The following CDKAL1 variants were observed in gnomAD, a reference collection of about 807,000 sequenced individuals.
CDKAL1 encodes the protein threonylcarbamoyladenosine tRNA methylthiotransferase.
CDKAL1 carries 32 observed loss-of-function variants against 68.2 expected under a neutral mutation model. The observed-to-expected ratio is 0.47, with a 90% CI of 0.35 to 0.63. CDKAL1 has a LOEUF of 0.63. Ranked by LOEUF, CDKAL1 falls within the 30% of genes least tolerant of loss-of-function variation. The pLI is 0.00. For synonymous variants in CDKAL1, 234 were observed against 244.3 expected, an observed-to-expected ratio of 0.96 and a Z score of 0.39; for missense variants, 606 against 696.7, an observed-to-expected ratio of 0.87 and a Z score of 1.47.
chr6:20,993,369 T>C (rs1305303958), intron 10 of CDKAL1: 2 of 152,080 alleles, frequency 1.3e-5, no homozygotes, highest in Non-Finnish European at 2.9e-5. Flanking sequence ...AACAGAGCAG[T>C]GTAAAGTTTA....
chr6:21,145,545 G>C (rs1776123796), intron 13 of CDKAL1, among the ~76,000 whole-genome samples: 1 of 152,088 alleles, frequency 6.6e-6, no homozygotes, highest in Non-Finnish European at 1.5e-5. Flanking sequence ...TGCTTTTTAG[G>C]GGACCAAGTT....
chr6:20,794,579 A>C (rs1454974768), intron 8 of CDKAL1, among the ~76,000 whole-genome samples: 3 of 152,166 alleles, frequency 2.0e-5, no homozygotes, highest in South Asian at 2.1e-4. Flanking sequence ...TTCTTAATAC[A>C]AAACTATTCA....
chr6:20,536,781 T>G (rs1378040631), intron 2 of CDKAL1, among the ~76,000 whole-genome samples: 1 of 152,186 alleles, frequency 6.6e-6, no homozygotes, highest in Non-Finnish European at 1.5e-5. Flanking sequence ...GAGACCAGCC[T>G]GGACAACAAA....
chr6:20,655,611 G>T (rs1433769920), intron 5 of CDKAL1, among the ~76,000 whole-genome samples: 1 of 152,122 alleles, frequency 6.6e-6, no homozygotes, highest in Non-Finnish European at 1.5e-5. Context: ...ACATGTGAGG[G>T]ATCTAGGTTG....
chr6:20,936,680 T>C (rs906872538), intron 9 of CDKAL1, among the ~76,000 whole-genome samples: 5 of 152,206 alleles, frequency 3.3e-5, no homozygotes, highest in African/African-American at 1.2e-4. Flanking sequence ...GAGTTTCTAA[T>C]TGCAAATACA....
chr6:21,207,456 G>A (rs755204875), intron 15 of CDKAL1, among the ~76,000 whole-genome samples: 8 of 152,056 alleles, frequency 5.3e-5, no homozygotes, highest in Admixed American at 3.3e-4. Context: ...GCCCCAGAGG[G>A]TCGAGGCTGC....
chr6:20,840,527 A>G (rs1378990829), intron 8 of CDKAL1, among the ~76,000 whole-genome samples: 2 of 152,242 alleles, frequency 1.3e-5, no homozygotes, highest in African/African-American at 4.8e-5. Flanking sequence ...ACAATTGAAG[A>G]TAGAGACAGG....
intron 4 of CDKAL1, among the ~76,000 whole-genome samples, chr6:20,608,485 C>T (rs755064666): frequency 3.6e-4 from 55 of 152,150 alleles, no homozygotes; most frequent in African/African-American, 1.3e-3. Context: ...ATATCCTTGA[C>T]GAGGACACTA....
At chr6:20,579,848 T>C (rs1411985626) in intron 4 of CDKAL1, among the ~76,000 whole-genome samples, 1 of 152,236 alleles carries the variant, frequency 6.6e-6, no homozygotes, top group Non-Finnish European at 1.5e-5. Flanking sequence ...GGGACTTTGA[T>C]AATTTCTATA....
intron 9 of CDKAL1, among the ~76,000 whole-genome samples, chr6:20,890,568 G>T (rs1365965231): frequency 6.6e-6 from 1 of 152,180 alleles, no homozygotes; most frequent in East Asian, 1.9e-4. Context: ...AAATGTAGTG[G>T]TTATCAGAAC....
chr6:20,587,292 C>T (rs1189416651), intron 4 of CDKAL1, among the ~76,000 whole-genome samples: 1 of 152,040 alleles, frequency 6.6e-6, no homozygotes, highest in African/African-American at 2.4e-5. Flanking sequence ...TGGCCTCCTT[C>T]TTTTCATTTT....
At chr6:21,177,363 C>T (rs1777623523) in intron 13 of CDKAL1, among the ~76,000 whole-genome samples, 1 of 152,146 alleles carries the variant, frequency 6.6e-6, no homozygotes, top group Admixed American at 6.5e-5. Flanking sequence ...TCCGCCCTTA[C>T]ACATACACAC....
At chr6:20,850,776 G>A (rs567853463) in intron 9 of CDKAL1, among the ~76,000 whole-genome samples, 11 of 152,126 alleles carry the variant, frequency 7.2e-5, no homozygotes, top group Admixed American at 2.0e-4. Flanking sequence ...TAATGAATGA[G>A]GAGACTAAAG....
At chr6:20,554,486 T>C (rs1183773814) in intron 4 of CDKAL1, among the ~76,000 whole-genome samples, 2 of 152,236 alleles carry the variant, frequency 1.3e-5, no homozygotes, top group Non-Finnish European at 2.9e-5. Context: ...TATTAGAAAA[T>C]GGCCACAGGT....
intron 10 of CDKAL1, among the ~76,000 whole-genome samples, chr6:20,999,479 C>G (rs532554479): frequency 2.8e-4 from 43 of 151,708 alleles, no homozygotes; most frequent in Non-Finnish European, 4.1e-4. Context: ...TAATGTTTTT[C>G]ACTTAAATGT....
intron 2 of CDKAL1, among the ~76,000 whole-genome samples, chr6:20,544,969 G>T (rs762803996): frequency 4.4e-4 from 27 of 61,936 alleles, no homozygotes; most frequent in Non-Finnish European, 7.7e-4. Flanking sequence ...ACAGTTTTGT[G>T]TGTGTGTGTG....
At chr6:20,800,457 GGAA>G (rs1342743935) in intron 8 of CDKAL1, 1 of 152,098 alleles carries the variant, frequency 6.6e-6, no homozygotes, top group Non-Finnish European at 1.5e-5. Flanking sequence ...GGGGAAGGGA[GGAA>G]TTGCAAAGGT....
intron 10 of CDKAL1, among the ~76,000 whole-genome samples, chr6:20,982,298 A>G (rs1766197035): frequency 6.6e-6 from 1 of 152,068 alleles, no homozygotes; most frequent in East Asian, 1.9e-4. Flanking sequence ...GGTTCAAGCA[A>G]TCTGCCTGCC....
intron 12 of CDKAL1, among the ~76,000 whole-genome samples, chr6:21,068,715 T>A (rs1771592273): frequency 6.6e-6 from 1 of 152,200 alleles, no homozygotes; most frequent in Admixed American, 6.5e-5. Context: ...GTTGTTCCTT[T>A]GTTTTTGTAA....
Sources: gnomAD v4.1 joint callset for allele counts (sites outside exome capture counted in the v4.1 genomes callset) on GRCh38, gnomAD v4.1.1 for gene constraint, MANE v1.5 for transcripts, NCBI Gene and HGNC (gene_info 2026-07-23, HGNC 2026-07-21) for gene names.